Variants in PDE6C observed in about 807,000 individuals in gnomAD.
The protein encoded by PDE6C is phosphodiesterase 6C, also known as cone cGMP-specific 3',5'-cyclic phosphodiesterase subunit alpha'.
PDE6C carries 75 observed loss-of-function variants against 113.1 expected under a neutral mutation model. That is an observed-to-expected ratio of 0.66 (90% CI 0.55 to 0.80). The LOEUF (loss-of-function observed/expected upper bound fraction) is 0.80. Ranked by LOEUF, PDE6C falls within the 30% of genes least tolerant of loss-of-function variation. The probability of loss-of-function intolerance (pLI) is 0.00; values close to 1 mark genes in which losing one functional copy is unlikely to be tolerated. For synonymous variants in PDE6C, 375 were observed against 363.7 expected (o/e 1.03, Z -0.35); for missense variants, 912 against 1,038.6 (o/e 0.88, Z 1.67).
chr10:93,665,718 T>C lies in PDE6C; in HGVS notation c.*300T>C, dbSNP rs1340063966. 3 of 381,182 alleles carry C rather than the reference T, an allele frequency of 7.9e-6. No homozygotes were observed. The highest frequency in any genetic ancestry group is 1.5e-5 in the Non-Finnish European group (3 of 204,532). The allele number at this position is 381,182 out of a possible 1,614,324, so 23.6% of individuals were successfully genotyped here. On this transcript the variant is annotated 3_prime_UTR_variant, in exon 22 of 22. Transcript: ENST00000371447. ...TAAAACATTAATTGTATTTATTTGC[T>C]AAGGCTGCTATAACAAAGTACCACA...
At position 93,613,211 on chromosome 10, in the gene PDE6C, TGGCCTTATGACAGTGG is replaced by T. The variant is rs1418579002; in HGVS notation, c.480+10_480+25del. The T allele has an allele frequency of 6.2e-7, 1 of 1,613,348 alleles. No homozygotes were observed. The highest frequency in any genetic ancestry group is 8.5e-7 in the Non-Finnish European group (1 of 1,180,026). On this transcript the variant is annotated splice_region_variant and intron_variant, in intron 1 of 21. Transcript: ENST00000371447. ...ATGTCCCAGATGTGAAAAAGGTAGG[TGGCCTTATGACAGTGG>T]GGCAGAGGTCTTGGCAGGGTCAGGG...
intron 16 of PDE6C, among the ~76,000 whole-genome samples, chr10:93,656,196 T>A (rs769140173): frequency 2.6e-4 from 40 of 152,342 alleles, no homozygotes; most frequent in Middle Eastern, 3.4e-3. Context: ...CCAAGAGACC[T>A]CTCAAGGTGG....
chr10:93,655,605 C>G (rs1190768231), intron 15 of PDE6C, among the ~76,000 whole-genome samples, 155 bp from the exon 16 acceptor site: 2 of 7,866 alleles, frequency 2.5e-4, no homozygotes, highest in Non-Finnish European at 6.2e-4. Context: ...AAACTAAAAG[C>G]AAGCCAAAAA....
chr10:93,641,066 T>C (rs1210841099), intron 14 of PDE6C, 37 bp downstream of exon 14: 8 of 1,232,894 alleles, frequency 6.5e-6, no homozygotes, highest in Non-Finnish European at 9.6e-6. Flanking sequence ...CACGTATTGG[T>C]GGACATTGGA....
chr10:93,627,453 T>G (rs188033797), intron 7 of PDE6C, among the ~76,000 whole-genome samples: 1 of 152,236 alleles, frequency 6.6e-6, no homozygotes, highest in African/African-American at 2.4e-5. Context: ...TCAGATATCC[T>G]TTGGAATCCA....
In PDE6C at chr10:93,658,875, G is replaced by A. The variant is rs776447954; in HGVS notation, c.2037-26G>A. ...TTCTCTCTTTTCATAAGCTAAAATT[G>A]TTGCTCACAGCTGTATCTTTTCTAG... On this transcript the variant is annotated intron_variant, in intron 16 of 21. Coordinates refer to ENST00000371447, the MANE Select transcript of PDE6C (RefSeq NM_006204.4). 5 of 1,315,108 alleles carry A rather than the reference G, an allele frequency of 3.8e-6. No homozygotes were observed. The South Asian group carries it at 4.7e-5, about 12-fold the overall frequency. 81.5% of individuals were successfully genotyped at this position (1,315,108 alleles called of 1,614,324 possible).
At chr10:93,630,401 C>T (rs1184476816) in intron 8 of PDE6C, among the ~76,000 whole-genome samples, 1 of 150,730 alleles carries the variant, frequency 6.6e-6, no homozygotes, top group Non-Finnish European at 1.5e-5. Flanking sequence ...ACTGTCACCC[C>T]CCACCTGTCA....
chr10:93,655,283 T>C (rs753598750), intron 15 of PDE6C, among the ~76,000 whole-genome samples: 4 of 152,166 alleles, frequency 2.6e-5, no homozygotes, highest in Non-Finnish European at 2.9e-5. Context: ...TATACACGAA[T>C]ATGAGTGTAA....
chr10:93,664,038 G>A (rs1270471335), intron 21 of PDE6C, among the ~76,000 whole-genome samples: 2 of 152,114 alleles, frequency 1.3e-5, no homozygotes, highest in Non-Finnish European at 2.9e-5. Context: ...CAAAGTTAAG[G>A]ATGTCCTTCA....
In PDE6C at chr10:93,663,068, G is replaced by A. The variant is rs1564806921; in HGVS notation, c.2408G>A (p.Ser803Asn). ...CACAAAGAAATCACACCTATGCTGA[G>A]TGGTCTTCAGAATAACAGAGTAGAA... is the stretch of plus-strand genomic sequence containing the variant. The part of the protein sequence containing the change: ...RFHKEITPML[S>N]GLQNNRVEWK... Residue 803 changes from serine (S) to asparagine (N), a missense_variant, in exon 21 of 22, where the codon AGT becomes AAT. Ser to Asn is a conservative substitution (Grantham distance 46, BLOSUM62 1). Coordinates refer to ENST00000371447, the MANE Select transcript of PDE6C (RefSeq NM_006204.4). The A allele has an allele frequency of 6.2e-7, 1 of 1,612,602 alleles. No homozygotes were observed. Among genetic ancestry groups the A allele is most frequent in the Non-Finnish European group, 8.5e-7 (1 of 1,179,256 alleles).
intron 16 of PDE6C, among the ~76,000 whole-genome samples, chr10:93,656,690 C>T (rs182783481): frequency 1.2e-3 from 175 of 152,164 alleles, no homozygotes; most frequent in Admixed American, 3.3e-3. Context: ...CTGCCTCAGC[C>T]TCCTGAGTAG....
intron 1 of PDE6C, among the ~76,000 whole-genome samples, chr10:93,616,959 CT>C (rs1469678314): frequency 6.6e-6 from 1 of 152,140 alleles, no homozygotes; most frequent in Non-Finnish European, 1.5e-5. Context: ...GAGAGATATC[CT>C]CTTTAAGTTG....
chr10:93,664,863 T>G (rs7897417), intron 21 of PDE6C, among the ~76,000 whole-genome samples: 1 of 152,196 alleles, frequency 6.6e-6, no homozygotes, highest in Admixed American at 6.5e-5. Context: ...CTGTTTTTTA[T>G]TTATTTAATT....
chr10:93,662,162 T>A, intron 19 of PDE6C, 29 bp downstream of exon 19: 1 of 1,423,338 alleles, frequency 7.0e-7, no homozygotes, highest in Non-Finnish European at 9.9e-7. Flanking sequence ...AATGTATTAC[T>A]TATTAAAAGT....
rs778007668 is a variant in PDE6C at position 93,612,941 on chromosome 10, G to A, written c.216G>A (p.Glu72=). The stretch of plus-strand genomic sequence containing the variant: ...AGCTGCTGTGGACCGTGCAGGAGGA[G>A]GGGGGCACCCCAGAGCAGGGGGTTC... ...CLELLWTVQE[E]GGTPEQGVHR... is the part of the protein sequence containing the mutation. The change falls in exon 1 of 22, where the codon GAG becomes GAA. Residue 72 remains glutamate (E), a synonymous_variant. Coordinates refer to ENST00000371447, the MANE Select transcript of PDE6C (RefSeq NM_006204.4). The A allele has an allele frequency of 1.2e-6, 2 of 1,613,822 alleles. No individual in the cohort carries two copies. The highest frequency in any genetic ancestry group is 1.7e-6 in the Non-Finnish European group (2 of 1,179,976).
chr10:93,634,696 A>G (rs1265130993), intron 8 of PDE6C, 62 bp from the exon 9 acceptor site: 1 of 1,536,444 alleles, frequency 6.5e-7, no homozygotes, highest in Non-Finnish European at 9.0e-7. Flanking sequence ...TATCCTGTGA[A>G]TTTATGATTA....
chr10:93,662,193 G>A (rs563340263), intron 19 of PDE6C, 60 bp downstream of exon 19: 14 of 1,078,672 alleles, frequency 1.3e-5, no homozygotes, highest in African/African-American at 4.6e-5. Context: ...GGCCGGGCGC[G>A]GTGGCTCACA....
At chr10:93,652,710 A>G (rs1343994370) in intron 15 of PDE6C, among the ~76,000 whole-genome samples, 1 of 152,192 alleles carries the variant, frequency 6.6e-6, no homozygotes, top group East Asian at 1.9e-4. Flanking sequence ...ATTTCTTTAT[A>G]TATAGCGTTT....
chr10:93,646,401 A>T (rs1004700100), intron 15 of PDE6C, among the ~76,000 whole-genome samples: 83 of 152,330 alleles, frequency 5.4e-4, no homozygotes, highest in African/African-American at 1.8e-3. Context: ...TTCATGGGGC[A>T]TATGCTTTAG....
Sources: gnomAD v4.1 joint callset for allele counts (sites outside exome capture counted in the v4.1 genomes callset) on GRCh38, gnomAD v4.1.1 for gene constraint, MANE v1.5 for transcripts, NCBI Gene and HGNC (gene_info 2026-07-23, HGNC 2026-07-21) for gene names.